The following MYO3B variants were observed in gnomAD, a reference collection of about 807,000 sequenced individuals.
MYO3B encodes myosin-IIIb.
A neutral mutation model predicts 174.6 loss-of-function variants in MYO3B; 156 were observed. The observed-to-expected ratio is 0.89, with a 90% CI of 0.78 to 1.02. The LOEUF (loss-of-function observed/expected upper bound fraction) is 1.02, where lower values mean the gene tolerates loss of function less well. Ranked by LOEUF, MYO3B falls within the 50% of genes least tolerant of loss-of-function variation. The pLI is 0.00. For missense variants in MYO3B, 1,632 were observed against 1,639.4 expected (o/e 1.00, Z 0.08); for synonymous variants, 563 against 569.1 (o/e 0.99, Z 0.15).
intron 9 of MYO3B, 68 bp from the exon 10 acceptor site, chr2:170,381,948 G>T: frequency 1.5e-6 from 2 of 1,333,606 alleles, no homozygotes; most frequent in Non-Finnish European, 2.1e-6. Context: ...AATGAGCCAT[G>T]CTTGCTGCCC....
At chr2:170,241,069 T>C (rs2093126704) in intron 7 of MYO3B, among the ~76,000 whole-genome samples, 1 of 152,192 alleles carries the variant, frequency 6.6e-6, no homozygotes, top group African/African-American at 2.4e-5. Flanking sequence ...ATTTCTAGTA[T>C]AGCCAACACC....
At chr2:170,476,145 G>A (rs528855227) in intron 25 of MYO3B, among the ~76,000 whole-genome samples, 4 of 152,276 alleles carry the variant, frequency 2.6e-5, no homozygotes, top group South Asian at 2.1e-4. Flanking sequence ...AACCACCTGC[G>A]GGAAGGGGAG....
chr2:170,549,513 T>G (rs1690746527), intron 32 of MYO3B, among the ~76,000 whole-genome samples: 1 of 152,230 alleles, frequency 6.6e-6, no homozygotes, highest in African/African-American at 2.4e-5. Context: ...TGCCATCTAC[T>G]TCATTATTTT....
At chr2:170,457,764 T>A (rs769830944) in intron 23 of MYO3B, among the ~76,000 whole-genome samples, 25 of 152,208 alleles carry the variant, frequency 1.6e-4, no homozygotes, top group Non-Finnish European at 3.5e-4. Flanking sequence ...ATTACTTTTT[T>A]GTTTCTTTGA....
intron 7 of MYO3B, among the ~76,000 whole-genome samples, chr2:170,273,625 C>T (rs1178518771): frequency 1.3e-5 from 2 of 152,128 alleles, no homozygotes; most frequent in Non-Finnish European, 2.9e-5. Flanking sequence ...CTTCCTCTCA[C>T]GTACTTCATC....
chr2:170,449,182 A>G (rs986439923), intron 23 of MYO3B, among the ~76,000 whole-genome samples: 1 of 152,220 alleles, frequency 6.6e-6, no homozygotes, highest in African/African-American at 2.4e-5. Flanking sequence ...GACTGTGTAG[A>G]CAAGGTATGA....
chr2:170,200,431 C>G, intron 3 of MYO3B, 147 bp downstream of exon 3: 1 of 811,944 alleles, frequency 1.2e-6, no homozygotes, highest in South Asian at 2.5e-5. Flanking sequence ...ATGTGACATT[C>G]TCCTCCACAG....
At chr2:170,217,787 C>T in intron 6 of MYO3B, among the ~76,000 whole-genome samples, 1 of 152,196 alleles carries the variant, frequency 6.6e-6, no homozygotes, top group East Asian at 1.9e-4. Context: ...GCCTACAGAA[C>T]TATATGCGGT....
intron 7 of MYO3B, among the ~76,000 whole-genome samples, chr2:170,293,352 G>T (rs73012832): frequency 0.026 from 3,894 of 152,026 alleles, 184 homozygotes; most frequent in African/African-American, 0.087. Context: ...TGATATTTTT[G>T]CTTGTTCTAA....
chr2:170,533,584 C>T (rs1197636490), intron 30 of MYO3B, among the ~76,000 whole-genome samples: 2 of 152,116 alleles, frequency 1.3e-5, no homozygotes, highest in African/African-American at 4.8e-5. Context: ...TAGCTCAACC[C>T]ACAAGTTACT....
chr2:170,263,921 A>G (rs781205494), intron 7 of MYO3B, among the ~76,000 whole-genome samples: 1 of 152,102 alleles, frequency 6.6e-6, no homozygotes, highest in African/African-American at 2.4e-5. Flanking sequence ...ATCTCAGGCT[A>G]TCACATGTGG....
chr2:170,312,354 C>T (rs1206895272), intron 7 of MYO3B, among the ~76,000 whole-genome samples: 4 of 152,254 alleles, frequency 2.6e-5, no homozygotes, highest in Admixed American at 2.6e-4. Flanking sequence ...GGTCCATTTA[C>T]TTATCTATGA....
intron 22 of MYO3B, among the ~76,000 whole-genome samples, chr2:170,426,984 C>T (rs2094668257): frequency 1.3e-5 from 2 of 151,728 alleles, no homozygotes; most frequent in South Asian, 4.2e-4. Context: ...CGCCATTGCA[C>T]TCTAGCCTGG....
chr2:170,480,225 A>G (rs1215828023), intron 25 of MYO3B, among the ~76,000 whole-genome samples: 1 of 152,082 alleles, frequency 6.6e-6, no homozygotes, highest in Non-Finnish European at 1.5e-5. Context: ...ACGGGCCCCA[A>G]GGCAAGACTT....
At chr2:170,526,239 A>G (rs1688988711) in intron 30 of MYO3B, among the ~76,000 whole-genome samples, 1 of 152,186 alleles carries the variant, frequency 6.6e-6, no homozygotes, top group Non-Finnish European at 1.5e-5. Context: ...GGAGGACTGG[A>G]GATAATCAAA....
intron 32 of MYO3B, among the ~76,000 whole-genome samples, chr2:170,548,653 ACT>A (rs1377855173): frequency 6.6e-6 from 1 of 151,966 alleles, no homozygotes; most frequent in African/African-American, 2.4e-5. Context: ...TACAGCTGAA[ACT>A]CTCTCAAACC....
At chr2:170,394,578 T>G (rs531742846) in intron 16 of MYO3B, among the ~76,000 whole-genome samples, 1 of 152,330 alleles carries the variant, frequency 6.6e-6, no homozygotes, top group South Asian at 2.1e-4. Context: ...ATGGTGAACA[T>G]TTTTCATTTG....
At chr2:170,467,815 CAAAA>C (rs33945733) in intron 25 of MYO3B, among the ~76,000 whole-genome samples, 1 of 110,382 alleles carries the variant, frequency 9.1e-6, no homozygotes, top group African/African-American at 3.5e-5. Context: ...AAAGATAAGG[CAAAA>C]AAAAAAAAAA....
chr2:170,262,924 C>T (rs906147944), intron 7 of MYO3B, among the ~76,000 whole-genome samples: 2 of 152,154 alleles, frequency 1.3e-5, no homozygotes, highest in African/African-American at 4.8e-5. Flanking sequence ...ACTTAATCTA[C>T]TCAAAATGCT....
Sources: gnomAD v4.1 joint callset for allele counts (sites outside exome capture counted in the v4.1 genomes callset) on GRCh38, gnomAD v4.1.1 for gene constraint, MANE v1.5 for transcripts, NCBI Gene and HGNC (gene_info 2026-07-23, HGNC 2026-07-21) for gene names.